RASD2: variants seen among roughly 807,000 people sequenced by gnomAD.
RASD2 encodes GTP-binding protein Rhes.
RASD2 carries 7 observed loss-of-function variants against 15.8 expected under a neutral mutation model. The observed-to-expected ratio is 0.44, with a 90% CI of 0.25 to 0.83. The LOEUF (loss-of-function observed/expected upper bound fraction) is 0.83, where lower values mean the gene tolerates loss of function less well. Ranked by LOEUF, RASD2 falls within the 40% of genes least tolerant of loss-of-function variation. The pLI, the probability that RASD2 is intolerant of heterozygous loss-of-function variation, is 0.20. For synonymous variants in RASD2, 155 were observed against 153.6 expected (o/e 1.01, Z -0.07); for missense variants, 274 against 382.8 (o/e 0.72, Z 2.37).
rs751120892 is a variant in RASD2 at position 35,547,052 on chromosome 22, C to T, written c.243C>T (p.Pro81=). ...ILDTSGNHPF[P]AMRRLSILTG... is the part of the protein sequence containing the mutation. Reference sequence around the variant, plus strand: ...ATACCTCTGGCAACCACCCCTTCCCCGCCATGCGCAGGCTGTCCATCCTCA... The same window carrying T: ...ATACCTCTGGCAACCACCCCTTCCCTGCCATGCGCAGGCTGTCCATCCTCA... The change falls in exon 2 of 3, where the codon CCC becomes CCT. Residue 81 remains proline (P), a synonymous_variant. Transcript: ENST00000216127. 8.7e-6 allele frequency: 14 copies of T among 1,613,930 alleles called. No homozygotes were observed. The South Asian group carries it at 9.9e-5, about 11-fold the overall frequency.
rs1934710939 is a variant in RASD2 at position 35,552,731 on chromosome 22, A to C, written c.*699A>C. 1 of 152,894 alleles carries C rather than the reference A, an allele frequency of 6.5e-6. No homozygotes were observed. The highest frequency in any genetic ancestry group is 6.5e-5 in the Admixed American group (1 of 15,292). 9.5% of individuals were successfully genotyped at this position (152,894 alleles called of 1,614,324 possible). ...GACAGTTGTGCTTTGTTGTGGTTGC[A>C]GCTGTTTTCGTGTCATGTATAGTAG... On this transcript the variant is annotated 3_prime_UTR_variant, in exon 3 of 3. Coordinates refer to ENST00000216127, the MANE Select transcript of RASD2 (RefSeq NM_014310.4).
chr22:35,541,204 GC>G lies in RASD2; in HGVS notation c.-301del. 1 of 152,170 alleles carries G rather than the reference GC, an allele frequency of 6.6e-6. No homozygotes were observed. The highest frequency in any genetic ancestry group is 1.5e-5 in the Non-Finnish European group (1 of 68,000). 9.4% of individuals were successfully genotyped at this position (152,170 alleles called of 1,614,324 possible). A position where few individuals can be genotyped will look rare whatever the true frequency, so the allele number is the denominator to read the frequency against. On this transcript the variant is annotated 5_prime_UTR_variant, in exon 1 of 3. Coordinates refer to ENST00000216127, the MANE Select transcript of RASD2 (RefSeq NM_014310.4). ...CTCCGGGCACCTGGCTCAGCAGGAG[GC>G]CCCCGGCTCGGGGCAGGGCAGGGCC...
In RASD2 at chr22:35,552,864, T is replaced by C. The variant is rs1934715015; in HGVS notation, c.*832T>C. Reference sequence around the variant, plus strand: ...CACCCGGGACGCCTTCCTCCTCTGCTCCCAAACAGGGTTTCCGTGGCCTGT... The same window carrying C: ...CACCCGGGACGCCTTCCTCCTCTGCCCCCAAACAGGGTTTCCGTGGCCTGT... On this transcript the variant is annotated 3_prime_UTR_variant, in exon 3 of 3. Transcript: ENST00000216127. 1 of 152,574 alleles carries C rather than the reference T, an allele frequency of 6.6e-6. No homozygotes were observed. The highest frequency in any genetic ancestry group is 1.5e-5 in the Non-Finnish European group (1 of 68,090). 9.5% of individuals were successfully genotyped at this position (152,574 alleles called of 1,614,324 possible). A position where few individuals can be genotyped will look rare whatever the true frequency, so the allele number is the denominator to read the frequency against.
At chr22:35,543,382 T>A (rs1429662005) in intron 1 of RASD2, among the ~76,000 whole-genome samples, 8 of 152,154 alleles carry the variant, frequency 5.3e-5, no homozygotes, top group Admixed American at 5.2e-4. Flanking sequence ...CCTCTCTGAT[T>A]CCCTGCCTCC....
At position 35,551,893 on chromosome 22, in the gene RASD2, G is replaced by T. The variant is rs1460797078; in HGVS notation, c.662G>T (p.Arg221Leu). 6.2e-7 allele frequency: 1 copy of T among 1,613,240 alleles called. No individual in the cohort carries two copies. The highest frequency in any genetic ancestry group is 2.2e-5 in the East Asian group (1 of 44,878). ...CACCCCAGGCCCTTCTGCATGCGCC[G>T]CGTCAAGGAGATGGACGCCTATGGC... ...AFHPRPFCMR[R>L]VKEMDAYGMV... The change falls in exon 3 of 3, where the codon CGC becomes CTC. Residue 221 changes from arginine (R) to leucine (L), a missense_variant. By Grantham distance (102) the Arg-to-Leu change is moderately radical. Transcript: ENST00000216127. The surrounding 1 kb of genome is among the most constrained non-coding windows in gnomAD (Gnocchi z 4.9).
At chr22:35,538,033 C>A, upstream of RASD2, among the ~76,000 whole-genome samples, 1 of 151,874 alleles carries the variant, frequency 6.6e-6, no homozygotes, top group East Asian at 1.9e-4. Flanking sequence ...GCAACCTCTG[C>A]CTCCTGGATA....
At chr22:35,549,620 TGCAG>T (rs1934606156) in intron 2 of RASD2, among the ~76,000 whole-genome samples, 3 of 152,216 alleles carry the variant, frequency 2.0e-5, no homozygotes, top group Admixed American at 6.5e-5. Flanking sequence ...GAGCCCACAC[TGCAG>T]TTCCCTCCAT....
At chr22:35,547,429 G>T (rs1292193965) in intron 2 of RASD2, among the ~76,000 whole-genome samples, 1 of 152,174 alleles carries the variant, frequency 6.6e-6, no homozygotes. Flanking sequence ...GAGCTCCAGG[G>T]CCCAAGGTCA....
chr22:35,548,162 A>C (rs1934565375), intron 2 of RASD2, among the ~76,000 whole-genome samples: 1 of 152,194 alleles, frequency 6.6e-6, no homozygotes, highest in African/African-American at 2.4e-5. Context: ...CCTTGTTTAC[A>C]CTGCATTAGC....
chr22:35,543,482 G>A (rs185736931), intron 1 of RASD2, among the ~76,000 whole-genome samples: 8 of 152,110 alleles, frequency 5.3e-5, no homozygotes, highest in East Asian at 3.9e-4. Context: ...TCTGCTCCTC[G>A]CTGTATGAGG....
At chr22:35,546,303 A>T (rs1015428855) in intron 1 of RASD2, among the ~76,000 whole-genome samples, 1 of 152,106 alleles carries the variant, frequency 6.6e-6, no homozygotes, top group African/African-American at 2.4e-5. Flanking sequence ...AGGCTTAAGA[A>T]ATGCATGCTA....
At chr22:35,547,305 C>T (rs1005326191) in intron 2 of RASD2, among the ~76,000 whole-genome samples, 1 of 152,262 alleles carries the variant, frequency 6.6e-6, no homozygotes, top group Non-Finnish European at 1.5e-5. Context: ...TCATGGCTGT[C>T]GGGGCCGCCT....
chr22:35,540,215 G>A (rs554269075), upstream of RASD2, among the ~76,000 whole-genome samples: 1 of 152,258 alleles, frequency 6.6e-6, no homozygotes, highest in South Asian at 2.1e-4. Context: ...GTGGGCAGGC[G>A]GCCGGACCCC....
chr22:35,548,034 G>A (rs1934560329), intron 2 of RASD2, among the ~76,000 whole-genome samples: 1 of 152,238 alleles, frequency 6.6e-6, no homozygotes, highest in Non-Finnish European at 1.5e-5. Context: ...CGTAAAGGCA[G>A]TCTGCTTTTG....
At position 35,551,880 on chromosome 22, in the gene RASD2, T is replaced by A; in HGVS notation, c.649T>A (p.Phe217Ile). 6.2e-7 allele frequency: 1 copy of A among 1,613,534 alleles called. No homozygotes were observed. The highest frequency in any genetic ancestry group is 1.1e-5 in the South Asian group (1 of 91,072). ...QYGDAFHPRP[F>I]CMRRVKEMDA... ...CGGTGACGCCTTCCACCCCAGGCCC[T>A]TCTGCATGCGCCGCGTCAAGGAGAT... The change falls in exon 3 of 3, where the codon TTC (phenylalanine) becomes ATC (isoleucine). Residue 217 changes from phenylalanine to isoleucine, a missense_variant. Transcript: ENST00000216127. This position sits in a 1 kb window ranked among gnomAD's most constrained non-coding sequence, Gnocchi z 4.9.
intron 2 of RASD2, among the ~76,000 whole-genome samples, chr22:35,547,433 A>G (rs2145873907): frequency 6.6e-6 from 1 of 152,274 alleles, no homozygotes; most frequent in African/African-American, 2.4e-5. Context: ...TCCAGGGCCC[A>G]AGGTCAGTCC....
chr22:35,547,932 C>G (rs1455571968), intron 2 of RASD2, among the ~76,000 whole-genome samples: 1 of 152,200 alleles, frequency 6.6e-6, no homozygotes, highest in Non-Finnish European at 1.5e-5. Context: ...GTTATTTAAC[C>G]CTCATAGTAA....
rs1488110563 is a variant in RASD2, at chr22:35,553,482, G to A, written c.*1450G>A. On this transcript the variant is annotated 3_prime_UTR_variant, in exon 3 of 3. Coordinates refer to ENST00000216127, the MANE Select transcript of RASD2 (RefSeq NM_014310.4). Reference sequence around the variant, plus strand: ...TTTTAGGGCCCTAAGGAACCTTAGTGATCTTCTATTGGGTCTTTCTGAGGT... The same window carrying A: ...TTTTAGGGCCCTAAGGAACCTTAGTAATCTTCTATTGGGTCTTTCTGAGGT... The A allele has an allele frequency of 6.6e-6, 1 of 152,488 alleles. No homozygotes were observed. The highest frequency in any genetic ancestry group is 1.5e-5 in the Non-Finnish European group (1 of 68,020). The allele number at this position is 152,488 out of a possible 1,614,324, so 9.4% of individuals were successfully genotyped here.
At position 35,553,986 on chromosome 22, in the gene RASD2, G is replaced by A. The variant is rs961018529; in HGVS notation, c.*1954G>A. ...CTCCGTGTACACTATCAATAAAAGTGGGTTTGTTACAAAGCCGTGTCCTTG... is the reference window on the plus strand; with the variant it reads ...CTCCGTGTACACTATCAATAAAAGTAGGTTTGTTACAAAGCCGTGTCCTTG... On this transcript the variant is annotated 3_prime_UTR_variant, in exon 3 of 3. Transcript: ENST00000216127. The A allele has an allele frequency of 6.5e-6, 1 of 152,728 alleles. No homozygotes were observed. The highest frequency in any genetic ancestry group is 2.4e-5 in the African/African-American group (1 of 41,462). 9.5% of individuals were successfully genotyped at this position (152,728 alleles called of 1,614,324 possible).
Sources: gnomAD v4.1 joint callset for allele counts (sites outside exome capture counted in the v4.1 genomes callset) on GRCh38, gnomAD v4.1.1 for gene constraint, Gnocchi (gnomAD v3.1) non-coding constraint, MANE v1.5 for transcripts, NCBI Gene and HGNC (gene_info 2026-07-23, HGNC 2026-07-21) for gene names.